SEMA6D: variants seen among roughly 807,000 people sequenced by gnomAD.
The protein encoded by SEMA6D is semaphorin 6D.
In SEMA6D, 35 loss-of-function variants were observed where a neutral mutation model predicts 106.6. That is an observed-to-expected ratio of 0.33 (90% CI 0.25 to 0.44). The LOEUF is 0.44. Ranked by LOEUF, SEMA6D falls within the 20% of genes least tolerant of loss-of-function variation. The pLI, the probability that SEMA6D is intolerant of heterozygous loss-of-function variation, is 1.00. For missense variants in SEMA6D, 1,185 were observed against 1,345.9 expected, an observed-to-expected ratio of 0.88 and a Z score of 1.87; for synonymous variants, 499 against 487.7, an observed-to-expected ratio of 1.02 and a Z score of -0.31.
At chr15:47,554,849 C>G (rs2045870075) in intron 3 of SEMA6D, among the ~76,000 whole-genome samples, 1 of 152,088 alleles carries the variant, frequency 6.6e-6, no homozygotes, top group Admixed American at 6.6e-5. Context: ...GGTCTGTGTT[C>G]TCAGGGGGAT....
At chr15:47,764,446 T>C (rs1016967749) in intron 11 of SEMA6D, 141 bp downstream of exon 11, 4 of 1,269,180 alleles carry the variant, frequency 3.2e-6, no homozygotes, top group Non-Finnish European at 3.2e-6. Context: ...AGACATAGCC[T>C]TGTGACCTGC....
At chr15:47,301,504 CTGTT>C (rs1287239357) in intron 1 of SEMA6D, among the ~76,000 whole-genome samples, 9 of 152,228 alleles carry the variant, frequency 5.9e-5, no homozygotes, top group Admixed American at 5.2e-4. Context: ...TCCACCTTGG[CTGTT>C]TGTGAAGAGG....
At chr15:47,412,980 A>T (rs1015045881) in intron 2 of SEMA6D, among the ~76,000 whole-genome samples, 4 of 152,218 alleles carry the variant, frequency 2.6e-5, no homozygotes, top group African/African-American at 9.6e-5. Context: ...GCACCTCCAC[A>T]CACTGGACAC....
At chr15:47,196,480 C>G (rs1894368557) in intron 1 of SEMA6D, among the ~76,000 whole-genome samples, 1 of 152,226 alleles carries the variant, frequency 6.6e-6, no homozygotes, top group East Asian at 1.9e-4. Flanking sequence ...AAAGACAGCC[C>G]CCCTAAAATA....
At chr15:47,185,387 T>C (rs992982987) in intron 1 of SEMA6D, among the ~76,000 whole-genome samples, 3 of 152,122 alleles carry the variant, frequency 2.0e-5, no homozygotes, top group African/African-American at 7.2e-5. Flanking sequence ...CCCATTGAAA[T>C]TGTTTTCAGA....
In SEMA6D at chr15:47,392,087, T is replaced by C. The variant is rs568709961; in HGVS notation, c.-238-20306T>C. On this transcript the variant is annotated intron_variant, in intron 1 of 19. Coordinates refer to the SEMA6D transcript ENST00000558014. Reference sequence around the variant, plus strand: ...CTCATTGCCTGTTTATTAAAGGTGCTGTTGTCACCATTTCCACCAACCACT... The same window carrying C: ...CTCATTGCCTGTTTATTAAAGGTGCCGTTGTCACCATTTCCACCAACCACT... Among the ~76,000 whole-genome samples, 28 of 152,252 alleles carry C rather than the reference T, an allele frequency of 1.8e-4. 1 individual carries two copies. The South Asian group carries it at 5.6e-3, about 30-fold the overall frequency.
intron 1 of SEMA6D, among the ~76,000 whole-genome samples, chr15:47,282,013 A>G (rs557298971): frequency 3.3e-5 from 5 of 152,226 alleles, no homozygotes; most frequent in African/African-American, 7.2e-5. Flanking sequence ...CTCCATTACA[A>G]TACTATACTG....
intron 4 of SEMA6D, among the ~76,000 whole-genome samples, chr15:47,627,465 C>A (rs971263323): frequency 3.9e-5 from 6 of 152,076 alleles, no homozygotes; most frequent in Non-Finnish European, 7.4e-5. Flanking sequence ...AATTTAGTTC[C>A]CATCTCTGAG....
intron 1 of SEMA6D, among the ~76,000 whole-genome samples, chr15:47,381,328 G>C (rs1276963594): frequency 2.0e-5 from 3 of 152,218 alleles, no homozygotes; most frequent in African/African-American, 7.2e-5. Context: ...CAGCCAACAG[G>C]TGCTATTTTT....
rs1376672538 is a variant in SEMA6D at position 47,765,025 on chromosome 15, C to T, written c.1396C>T (p.Leu466=). ...SPFSLNDSVL[L]EEIEAYNHAK... ...TTTCTCTTTGAACGACAGCGTATTA[C>T]TGGAAGAGATTGAAGCCTACAACCA... The change falls in exon 13 of 19, where the codon CTG becomes TTG. Residue 466 remains leucine, a synonymous_variant. Transcript: ENST00000536845. The T allele has an allele frequency of 1.2e-6, 2 of 1,613,858 alleles. No individual in the cohort carries two copies. The highest frequency in any genetic ancestry group is 1.7e-4 in the Middle Eastern group (1 of 6,050).
At chr15:47,711,048 G>A (rs1236303963) in intron 4 of SEMA6D, among the ~76,000 whole-genome samples, 1 of 152,018 alleles carries the variant, frequency 6.6e-6, no homozygotes, top group East Asian at 1.9e-4. Flanking sequence ...GGTGGCTCAC[G>A]CCTGTAATCC....
chr15:47,626,597 T>C (rs929046344), intron 4 of SEMA6D, among the ~76,000 whole-genome samples: 2 of 152,178 alleles, frequency 1.3e-5, no homozygotes, highest in African/African-American at 4.8e-5. Flanking sequence ...GAAAAGTATA[T>C]TAAAGAAGGG....
chr15:47,190,403 T>TG (rs746510308), intron 1 of SEMA6D, among the ~76,000 whole-genome samples: 2 of 152,224 alleles, frequency 1.3e-5, no homozygotes, highest in Non-Finnish European at 2.9e-5. Flanking sequence ...AGGATCTAAG[T>TG]GGAAATCCTG....
intron 1 of SEMA6D, among the ~76,000 whole-genome samples, chr15:47,375,336 C>T (rs1481202968): frequency 2.0e-5 from 3 of 152,280 alleles, no homozygotes; most frequent in Middle Eastern, 3.4e-3. Flanking sequence ...ACTATGGAGC[C>T]TCATACTAAT....
chr15:47,324,546 G>A (rs963891002), intron 1 of SEMA6D, among the ~76,000 whole-genome samples: 13 of 151,882 alleles, frequency 8.6e-5, no homozygotes, highest in Non-Finnish European at 1.3e-4. Context: ...AGATCGGTAG[G>A]AGCAACAATT....
chr15:47,467,524 AAACT>A lies in SEMA6D; in HGVS notation c.-158-2944_-158-2941del, dbSNP rs2042701613. On this transcript the variant is annotated intron_variant, in intron 2 of 19. Transcript: ENST00000558014. ...TGCAAGAATGTTGGCAAATTTCTGG[AAACT>A]AACTACTGGAAAATGTTAGCTAAAT... Among the ~76,000 whole-genome samples, 6 of 152,176 alleles carry A rather than the reference AAACT, an allele frequency of 3.9e-5. No homozygotes were observed. The South Asian group carries it at 1.2e-3, about 31-fold the overall frequency.
intron 1 of SEMA6D, among the ~76,000 whole-genome samples, chr15:47,381,660 A>T (rs2039644476): frequency 6.6e-6 from 1 of 152,232 alleles, no homozygotes; most frequent in South Asian, 2.1e-4. Context: ...CAGAGGAAAG[A>T]TGAGTAAAAT....
chr15:47,297,176 G>A (rs1345182950), intron 1 of SEMA6D, among the ~76,000 whole-genome samples: 2 of 152,070 alleles, frequency 1.3e-5, no homozygotes, highest in African/African-American at 4.8e-5. Flanking sequence ...TCTTTGAAAA[G>A]GAATAAATAA....
chr15:47,266,935 G>A (rs1444418485), intron 1 of SEMA6D, among the ~76,000 whole-genome samples: 2 of 152,098 alleles, frequency 1.3e-5, no homozygotes, highest in Non-Finnish European at 2.9e-5. Flanking sequence ...ACTATTTCTA[G>A]AGACTTTAAA....
Sources: allele counts gnomAD v4.1 joint callset (sites outside exome capture counted in the v4.1 genomes callset), GRCh38; gene constraint gnomAD v4.1.1; transcripts MANE v1.5; gene names NCBI Gene and HGNC (gene_info 2026-07-23, HGNC 2026-07-21).